Variants in DSCAM observed in about 807,000 individuals in gnomAD.
DSCAM encodes the protein cell adhesion molecule DSCAM.
Under a neutral mutation model 217.7 loss-of-function variants are expected in DSCAM, and 47 were observed. The ratio of observed to expected loss-of-function variants is 0.22; its 90% CI spans 0.17 to 0.28. DSCAM has a LOEUF of 0.28. Among genes scored for constraint, DSCAM ranks in the 10% least tolerant of loss-of-function variants. DSCAM has a pLI of 1.00. For missense variants in DSCAM, 2,080 were observed against 2,618.3 expected, an observed-to-expected ratio of 0.79 and a Z score of 4.49; for synonymous variants, 1,056 against 1,015.3, an observed-to-expected ratio of 1.04 and a Z score of -0.76.
intron 3 of DSCAM, among the ~76,000 whole-genome samples, chr21:40,578,758 A>G (rs182999935): frequency 2.6e-5 from 4 of 152,318 alleles, no homozygotes; most frequent in East Asian, 1.9e-4. Flanking sequence ...ACCCATAGGA[A>G]GGAATAAATT....
chr21:40,758,221 G>A (rs755984169), intron 1 of DSCAM, among the ~76,000 whole-genome samples: 1 of 152,070 alleles, frequency 6.6e-6, no homozygotes, highest in Admixed American at 6.5e-5. Context: ...TAGACTTCTG[G>A]CCTCTAGAAC....
intron 3 of DSCAM, among the ~76,000 whole-genome samples, chr21:40,684,009 G>A (rs895895719): frequency 5.9e-5 from 9 of 151,846 alleles, no homozygotes; most frequent in Non-Finnish European, 1.0e-4. Flanking sequence ...GGCAGATCAC[G>A]AGGTCAGGAG....
rs114803500 is a variant in DSCAM, at chr21:40,016,242, G to A, written c.5687-2856C>T. ...ATATGAAGGGGGTCCAAGGAAGGTG[G>A]CTTCAGAGTCAATGACAAGTGGGAG... is the stretch of plus-strand genomic sequence containing the variant. On this transcript the variant is annotated intron_variant, in intron 32 of 32. Coordinates refer to ENST00000400454, the MANE Select transcript of DSCAM (RefSeq NM_001389.5). This position sits in a 1 kb window ranked among gnomAD's most constrained non-coding sequence, Gnocchi z 4.3. 1.7e-3 allele frequency among the ~76,000 whole-genome samples: 254 copies of A among 152,318 alleles called. No individual in the cohort carries two copies. The highest frequency in any genetic ancestry group is 5.8e-3 in the African/African-American group (239 of 41,562).
chr21:40,401,366 G>C (rs191191766), intron 3 of DSCAM, among the ~76,000 whole-genome samples: 1 of 148,404 alleles, frequency 6.7e-6, no homozygotes, highest in African/African-American at 2.5e-5. Context: ...TAATTATATG[G>C]CTGCATAAAG....
intron 3 of DSCAM, among the ~76,000 whole-genome samples, chr21:40,412,046 T>C (rs1350778515): frequency 6.6e-6 from 1 of 152,182 alleles, no homozygotes; most frequent in Non-Finnish European, 1.5e-5. Context: ...ACCCGTTTCA[T>C]TTGGCATTCA....
chr21:40,337,475 G>A (rs1268060900), intron 8 of DSCAM, among the ~76,000 whole-genome samples: 3 of 152,186 alleles, frequency 2.0e-5, no homozygotes, highest in Non-Finnish European at 4.4e-5. Flanking sequence ...ATCCTTGGAT[G>A]AGTCTGATCA....
rs563319395 is a variant in DSCAM, at chr21:40,277,632, A to ATTTT, written c.2183-1366_2183-1363dup. Among the ~76,000 whole-genome samples the ATTTT allele has an allele frequency of 4.1e-4, 56 of 137,212 alleles. 1 individual carries two copies. Among genetic ancestry groups the ATTTT allele is most frequent in the African/African-American group, 1.5e-3 (55 of 36,784 alleles). 90.0% of individuals were successfully genotyped at this position (137,212 alleles called of 152,430 possible). Reference sequence around the variant, plus strand: ...CTAGAGGGGACATACGACAACCTGAATTTTTTTTTTTTTTTTTTTGAGATG... The same window carrying ATTTT: ...CTAGAGGGGACATACGACAACCTGAATTTTTTTTTTTTTTTTTTTTTTTGAGATG... On this transcript the variant is annotated intron_variant, in intron 10 of 32. Coordinates refer to ENST00000400454, the MANE Select transcript of DSCAM (RefSeq NM_001389.5).
Position 40,474,990 on chromosome 21 carries a change from G to GA in DSCAM, c.509-105746dup, listed in dbSNP as rs140483654. On this transcript the variant is annotated intron_variant, in intron 3 of 32. Transcript: ENST00000400454. ...CTTCTGAAGATTGGCATCTCTCCAG[G>GA]AAAAAAAAAAGCCCATCACCCCAAA... is the stretch of plus-strand genomic sequence containing the variant. 2.1e-3 allele frequency among the ~76,000 whole-genome samples: 310 copies of GA among 147,308 alleles called. 2 individuals carry two copies. The highest frequency in any genetic ancestry group is 6.9e-3 in the African/African-American group (276 of 40,198).
intron 3 of DSCAM, among the ~76,000 whole-genome samples, chr21:40,422,140 A>G (rs964306754): frequency 2.0e-5 from 3 of 152,256 alleles, no homozygotes; most frequent in Admixed American, 6.5e-5. Context: ...ACTCTTTTCT[A>G]GTGAGCACAG....
intron 14 of DSCAM, among the ~76,000 whole-genome samples, chr21:40,183,625 C>A (rs748163430): frequency 4.6e-5 from 7 of 152,182 alleles, no homozygotes; most frequent in Non-Finnish European, 5.9e-5. Context: ...AGGAGAGACA[C>A]TGGATCCAGG....
In DSCAM at chr21:40,778,411, C is replaced by T. The variant is rs2091508824; in HGVS notation, c.43+68208G>A. ...TGTCACCCAGCCACCGTGCCTGGCC[C>T]AGAAGCATGTAGGTTTTGAGGTGAG... is the stretch of plus-strand genomic sequence containing the variant. On this transcript the variant is annotated intron_variant, in intron 1 of 32. Coordinates refer to ENST00000400454, the MANE Select transcript of DSCAM (RefSeq NM_001389.5). Among the ~76,000 whole-genome samples the T allele has an allele frequency of 2.0e-5, 3 of 152,126 alleles. No individual in the cohort carries two copies. In the South Asian group the frequency reaches 6.2e-4, roughly 31 times the overall value.
chr21:40,567,307 T>G (rs542227859), intron 3 of DSCAM, among the ~76,000 whole-genome samples: 2 of 152,180 alleles, frequency 1.3e-5, no homozygotes, highest in African/African-American at 4.8e-5. Flanking sequence ...TTGTGCAAGG[T>G]AGCTAGCTGC....
intron 1 of DSCAM, among the ~76,000 whole-genome samples, chr21:40,837,918 C>T (rs142434145): frequency 7.8e-4 from 119 of 152,092 alleles, no homozygotes; most frequent in Middle Eastern, 6.8e-3. Context: ...GCTCTACAGC[C>T]GAGATTAAAA....
At chr21:40,104,693 T>C (rs2089796157) in intron 20 of DSCAM, among the ~76,000 whole-genome samples, 1 of 152,136 alleles carries the variant, frequency 6.6e-6, no homozygotes, top group Non-Finnish European at 1.5e-5. Flanking sequence ...ACATAAACTA[T>C]GAACACTGGC....
intron 3 of DSCAM, among the ~76,000 whole-genome samples, chr21:40,558,167 A>C (rs1474517602): frequency 3.9e-5 from 6 of 152,308 alleles, no homozygotes; most frequent in African/African-American, 1.2e-4. Context: ...ACAGGTTATC[A>C]TTTGATTATC....
intron 3 of DSCAM, among the ~76,000 whole-genome samples, chr21:40,533,752 T>C (rs1204325034): frequency 1.6e-5 from 2 of 128,196 alleles, no homozygotes; most frequent in East Asian, 2.7e-4. Flanking sequence ...CATCCACCCA[T>C]CCATCCATCC....
rs148005178 is a variant in DSCAM at position 40,345,870 on chromosome 21, C to T, written c.1210+1800G>A. Among the ~76,000 whole-genome samples the T allele has an allele frequency of 7.9e-5, 12 of 152,280 alleles. No homozygotes were observed. The East Asian group carries it at 2.1e-3, about 27-fold the overall frequency. On this transcript the variant is annotated intron_variant, in intron 6 of 32. Transcript: ENST00000400454. ...CTTGTCCTGAATGGAAGCTGACATG[C>T]GACAAATAAATCTGCGAGTGTGCTG...
chr21:40,671,718 C>T (rs1284314220), intron 3 of DSCAM, among the ~76,000 whole-genome samples: 2 of 137,966 alleles, frequency 1.4e-5, no homozygotes, highest in African/African-American at 5.6e-5. Context: ...AAAAGGATGA[C>T]TATGGGAAAA....
At chr21:40,796,191 C>G (rs897808449) in intron 1 of DSCAM, among the ~76,000 whole-genome samples, 1 of 152,212 alleles carries the variant, frequency 6.6e-6, no homozygotes, top group Non-Finnish European at 1.5e-5. Context: ...AAGGAGTCTA[C>G]TTCCCTGCTT....
Sources: gnomAD v4.1 joint callset for allele counts (sites outside exome capture counted in the v4.1 genomes callset) on GRCh38, gnomAD v4.1.1 for gene constraint, Gnocchi (gnomAD v3.1) non-coding constraint, MANE v1.5 for transcripts, NCBI Gene and HGNC (gene_info 2026-07-23, HGNC 2026-07-21) for gene names.